Variants in PPP2R2B observed in about 807,000 individuals in gnomAD.
PPP2R2B encodes the protein serine/threonine-protein phosphatase 2A 55 kDa regulatory subunit B beta isoform.
PPP2R2B carries 5 observed loss-of-function variants against 46.0 expected under a neutral mutation model. The observed-to-expected ratio is 0.11, with a 90% CI of 0.06 to 0.23. The LOEUF (loss-of-function observed/expected upper bound fraction) is 0.23. Ranked by LOEUF, PPP2R2B falls within the 10% of genes least tolerant of loss-of-function variation. PPP2R2B has a pLI of 1.00. For missense variants in PPP2R2B, 367 were observed against 575.0 expected (o/e 0.64, Z 3.70); for synonymous variants, 215 against 206.7 (o/e 1.04, Z -0.34).
intron 1 of PPP2R2B, among the ~76,000 whole-genome samples, chr5:147,042,887 G>C (rs1756377388): frequency 1.3e-5 from 2 of 151,996 alleles, no homozygotes; most frequent in African/African-American, 4.8e-5. Flanking sequence ...CAGACGGAGG[G>C]AGCCACAAGT....
chr5:146,728,557 C>T (rs1240150214), intron 2 of PPP2R2B, among the ~76,000 whole-genome samples: 1 of 152,108 alleles, frequency 6.6e-6, no homozygotes, highest in Non-Finnish European at 1.5e-5. Flanking sequence ...CAAAATAATC[C>T]TCCAACAGTT....
At chr5:147,071,289 A>G (rs989081794) in intron 2 of PPP2R2B, among the ~76,000 whole-genome samples, 1 of 152,138 alleles carries the variant, frequency 6.6e-6, no homozygotes, top group African/African-American at 2.4e-5. Flanking sequence ...CTCATGACTT[A>G]TTATGTGAAA....
chr5:146,694,931 T>C (rs562473003), intron 4 of PPP2R2B, among the ~76,000 whole-genome samples: 131 of 152,242 alleles, frequency 8.6e-4, no homozygotes, highest in African/African-American at 3.0e-3. Flanking sequence ...AATATATTTA[T>C]AGGGATAGAA....
At chr5:146,592,836 C>A in intron 9 of PPP2R2B, 135 bp downstream of exon 9, 1 of 756,040 alleles carries the variant, frequency 1.3e-6, no homozygotes, top group South Asian at 1.7e-5. Context: ...TCACTAGGGG[C>A]CCACATTATG....
At chr5:146,869,004 A>G (rs542207229) in intron 2 of PPP2R2B, among the ~76,000 whole-genome samples, 3 of 152,326 alleles carry the variant, frequency 2.0e-5, no homozygotes, top group African/African-American at 7.2e-5. Context: ...TACATGAGAA[A>G]AATACTTTAA....
intron 2 of PPP2R2B, among the ~76,000 whole-genome samples, chr5:146,766,622 T>C (rs1378933161): frequency 2.0e-5 from 3 of 152,226 alleles, no homozygotes; most frequent in Non-Finnish European, 4.4e-5. Context: ...AGGTGATTTC[T>C]ATTATTTATA....
chr5:146,958,240 G>A (rs1752010051), intron 1 of PPP2R2B, among the ~76,000 whole-genome samples: 1 of 152,136 alleles, frequency 6.6e-6, no homozygotes, highest in Non-Finnish European at 1.5e-5. Context: ...ATGCTCAGCT[G>A]CCACTGTCTC....
In PPP2R2B at chr5:146,584,441, C is replaced by T. The variant is rs1335189818; in HGVS notation, c.*5506G>A. 1 of 152,142 alleles carries T rather than the reference C, an allele frequency of 6.6e-6. No homozygotes were observed. The highest frequency in any genetic ancestry group is 2.4e-5 in the African/African-American group (1 of 41,432). 9.4% of individuals were successfully genotyped at this position (152,142 alleles called of 1,614,324 possible). On this transcript the variant is annotated 3_prime_UTR_variant, in exon 10 of 10. Coordinates refer to ENST00000394411, the MANE Select transcript of PPP2R2B (RefSeq NM_181675.4). ...GAGAAATGGCGTGTTTGTGAGTATC[C>T]ACGCTAGGGAAAATAATCAAGCCAA...
chr5:146,929,771 G>A (rs1244632234), intron 1 of PPP2R2B, among the ~76,000 whole-genome samples: 2 of 152,076 alleles, frequency 1.3e-5, no homozygotes, highest in African/African-American at 2.4e-5. Context: ...GACTACTAGG[G>A]TTTATATCTT....
rs74739055 is a variant in PPP2R2B at position 146,676,421 on chromosome 5, C to G, written c.447+14707G>C. Reference sequence around the variant, plus strand: ...ATCCCCTGCACTCAGCTTCAGCCACCTGGGCCCTCCTTCCACACTGTGTTT... The same window carrying G: ...ATCCCCTGCACTCAGCTTCAGCCACGTGGGCCCTCCTTCCACACTGTGTTT... On this transcript the variant is annotated intron_variant, in intron 5 of 9. Transcript: ENST00000394411. 8.3e-3 allele frequency among the ~76,000 whole-genome samples: 1,262 copies of G among 152,278 alleles called. 41 individuals are homozygous for G. The East Asian group carries it at 0.087, about 10-fold the overall frequency.
At chr5:146,761,396 C>T (rs547584780) in intron 2 of PPP2R2B, among the ~76,000 whole-genome samples, 1 of 152,122 alleles carries the variant, frequency 6.6e-6, no homozygotes, top group Non-Finnish European at 1.5e-5. Flanking sequence ...CCATCATTCT[C>T]AGCAAACTAT....
intron 8 of PPP2R2B, among the ~76,000 whole-genome samples, chr5:146,597,345 C>A (rs1349831036): frequency 2.0e-5 from 3 of 152,140 alleles, no homozygotes; most frequent in Non-Finnish European, 4.4e-5. Context: ...TCATTGCTAT[C>A]CCTGTTGCTG....
chr5:146,734,026 T>C (rs1429492914), intron 2 of PPP2R2B, among the ~76,000 whole-genome samples: 1 of 151,636 alleles, frequency 6.6e-6, no homozygotes, highest in Non-Finnish European at 1.5e-5. Context: ...TATTACCTCA[T>C]AGGGTTGTTG....
At chr5:146,922,543 G>A (rs10068414) in intron 1 of PPP2R2B, 34,654 of 152,136 alleles carry the variant, frequency 0.23, 4,082 homozygotes, top group East Asian at 0.37. Context: ...CACATGGGGC[G>A]GGGAGCTCAG....
Position 146,705,571 on chromosome 5 carries a change from A to C in PPP2R2B, c.71-4429T>G, listed in dbSNP as rs1274800494. Among the ~76,000 whole-genome samples, 3 of 152,176 alleles carry C rather than the reference A, an allele frequency of 2.0e-5. No homozygotes were observed. In the East Asian group the frequency reaches 5.8e-4, roughly 29 times the overall value. On this transcript the variant is annotated intron_variant, in intron 2 of 9. Coordinates refer to ENST00000394411, the MANE Select transcript of PPP2R2B (RefSeq NM_181675.4). ...GGGATTCTTAGGTGTCCTGATGGGA[A>C]TTACAGTTGTTCCTCCCATCCATAT... is the stretch of plus-strand genomic sequence containing the variant.
In PPP2R2B at chr5:146,951,513, G is replaced by C. The variant is rs117655436; in HGVS notation, c.79+104152C>G. 6.2e-3 allele frequency among the ~76,000 whole-genome samples: 943 copies of C among 151,784 alleles called. 22 individuals are homozygous for C. The East Asian group carries it at 0.068, about 11-fold the overall frequency. ...TTCCTGATGCTCTCCCCCATCTCCC[G>C]ACAGGTCCCTCCCAATAGGCCCCAG... is the stretch of plus-strand genomic sequence containing the variant. On this transcript the variant is annotated intron_variant, in intron 1 of 8. Transcript: ENST00000336640.
chr5:146,635,822 A>G (rs1266360033), intron 7 of PPP2R2B, among the ~76,000 whole-genome samples: 1 of 152,178 alleles, frequency 6.6e-6, no homozygotes, highest in Non-Finnish European at 1.5e-5. Flanking sequence ...ACCTCTGCTT[A>G]TGTGTCAGGG....
chr5:146,927,139 T>A (rs944258735), intron 1 of PPP2R2B, among the ~76,000 whole-genome samples: 2 of 152,184 alleles, frequency 1.3e-5, no homozygotes, highest in Non-Finnish European at 2.9e-5. Flanking sequence ...TGATGTCCCA[T>A]GATTTTTAAA....
chr5:146,718,818 G>A (rs1466679876), intron 2 of PPP2R2B, among the ~76,000 whole-genome samples: 1 of 152,172 alleles, frequency 6.6e-6, no homozygotes, highest in Non-Finnish European at 1.5e-5. Flanking sequence ...CGATCCCTGA[G>A]AAGGGATTTC....
Sources: allele counts gnomAD v4.1 joint callset (sites outside exome capture counted in the v4.1 genomes callset), GRCh38; gene constraint gnomAD v4.1.1; transcripts MANE v1.5; gene names NCBI Gene and HGNC (gene_info 2026-07-23, HGNC 2026-07-21).